The following CDH12 variants were observed in gnomAD, a reference collection of about 807,000 sequenced individuals.
CDH12 encodes cadherin 12.
A neutral mutation model predicts 74.1 loss-of-function variants in CDH12; 41 were observed. The observed-to-expected ratio is 0.55, with a 90% confidence interval of 0.43 to 0.72. The LOEUF (loss-of-function observed/expected upper bound fraction) is 0.72, where lower values mean the gene tolerates loss of function less well. CDH12 is among the 30% of genes least tolerant of loss of function. CDH12 has a pLI of 0.00. For missense variants in CDH12, 945 were observed against 977.2 expected, an observed-to-expected ratio of 0.97 and a Z score of 0.44; for synonymous variants, 399 against 355.0, an observed-to-expected ratio of 1.12 and a Z score of -1.39.
At chr5:21,869,602 T>G (rs1329694520) in intron 6 of CDH12, among the ~76,000 whole-genome samples, 1 of 152,194 alleles carries the variant, frequency 6.6e-6, no homozygotes, top group Non-Finnish European at 1.5e-5. Flanking sequence ...TTAAGTATTG[T>G]TAATTTTATA....
intron 7 of CDH12, among the ~76,000 whole-genome samples, chr5:21,848,669 C>A (rs560739887): frequency 2.0e-5 from 3 of 151,750 alleles, no homozygotes; most frequent in African/African-American, 7.3e-5. Context: ...GAAGAGTTAT[C>A]AGGTTATCTT....
At chr5:22,831,403 A>G (rs1200352750) in intron 1 of CDH12, among the ~76,000 whole-genome samples, 1 of 133,534 alleles carries the variant, frequency 7.5e-6, no homozygotes, top group Non-Finnish European at 1.6e-5. Flanking sequence ...GTGTATTTCA[A>G]ATGAGCCTGG....
chr5:21,972,148 C>T (rs1756879266), intron 6 of CDH12, among the ~76,000 whole-genome samples: 1 of 151,968 alleles, frequency 6.6e-6, no homozygotes, highest in African/African-American at 2.4e-5. Flanking sequence ...GATATATAAT[C>T]CATTACTGTT....
intron 4 of CDH12, among the ~76,000 whole-genome samples, chr5:22,108,631 G>A (rs1744635695): frequency 6.6e-6 from 1 of 152,218 alleles, no homozygotes; most frequent in South Asian, 2.1e-4. Flanking sequence ...GTACAGCTGG[G>A]CTCTGACAGA....
intron 1 of CDH12, among the ~76,000 whole-genome samples, chr5:22,735,157 C>A (rs1232328700): frequency 2.0e-5 from 3 of 151,838 alleles, no homozygotes; most frequent in African/African-American, 7.3e-5. Flanking sequence ...GATGTTACTG[C>A]CACCTATCGC....
At chr5:22,397,600 A>C (rs531705224) in intron 3 of CDH12, among the ~76,000 whole-genome samples, 1 of 152,120 alleles carries the variant, frequency 6.6e-6, no homozygotes, top group Non-Finnish European at 1.5e-5. Context: ...CAGTAGCAAA[A>C]TATGGTAAAT....
At chr5:22,820,924 A>G (rs1224861897) in intron 1 of CDH12, among the ~76,000 whole-genome samples, 2 of 152,190 alleles carry the variant, frequency 1.3e-5, no homozygotes, top group Non-Finnish European at 2.9e-5. Context: ...TGGCAGAGAC[A>G]CAACCAAAAA....
chr5:22,405,343 A>T lies in CDH12; in HGVS notation c.-419T>A, dbSNP rs1250040038. ...CAGTAACTTGATTCTATAGCACTGG[A>T]CATCAAAGCTGAAAAATATGTAAAG... On this transcript the variant is annotated 5_prime_UTR_variant, in exon 3 of 15. Transcript: ENST00000382254. 3.1e-6 allele frequency: 3 copies of T among 958,272 alleles called. No homozygotes were observed. Among genetic ancestry groups the T allele is most frequent in the Non-Finnish European group, 3.7e-6 (3 of 805,274 alleles). The allele number at this position is 958,272 out of a possible 1,614,324, so 59.4% of individuals were successfully genotyped here.
At position 22,046,430 on chromosome 5, in the gene CDH12, C is replaced by CTTTT. The variant is rs11323330; in HGVS notation, c.231+32012_231+32015dup. Among the ~76,000 whole-genome samples, 75 of 100,368 alleles carry CTTTT rather than the reference C, an allele frequency of 7.5e-4. 1 individual carries two copies. Among genetic ancestry groups the CTTTT allele is most frequent in the African/African-American group, 1.9e-3 (44 of 23,408 alleles). 65.8% of individuals were successfully genotyped at this position (100,368 alleles called of 152,430 possible). ...GAGAAAGTCACTGGTCATTTAATTT[C>CTTTT]TTTTTTTTTTTTTTTTTTTTTTGAG... On this transcript the variant is annotated intron_variant, in intron 5 of 14. Coordinates refer to ENST00000382254, the MANE Select transcript of CDH12 (RefSeq NM_004061.5).
intron 2 of CDH12, among the ~76,000 whole-genome samples, chr5:22,491,629 A>G (rs1295687920): frequency 6.6e-6 from 1 of 151,050 alleles, no homozygotes; most frequent in African/African-American, 2.4e-5. Context: ...AAACAAAAAA[A>G]AAAACAAAAA....
chr5:22,218,091 C>T (rs1001572436), intron 3 of CDH12, among the ~76,000 whole-genome samples: 6 of 151,614 alleles, frequency 4.0e-5, no homozygotes, highest in African/African-American at 7.3e-5. Flanking sequence ...ACTCTCATTA[C>T]GTCAAGTGTC....
intron 3 of CDH12, among the ~76,000 whole-genome samples, chr5:22,396,511 T>G (rs1742469373): frequency 6.6e-6 from 1 of 152,132 alleles, no homozygotes; most frequent in African/African-American, 2.4e-5. Flanking sequence ...GGGAGTAGAT[T>G]CTGGGATTAG....
chr5:22,688,871 T>C (rs1442039595), intron 1 of CDH12, among the ~76,000 whole-genome samples: 2 of 152,164 alleles, frequency 1.3e-5, no homozygotes, highest in African/African-American at 4.8e-5. Context: ...ATCTCACTCT[T>C]GAATTAATTA....
intron 1 of CDH12, among the ~76,000 whole-genome samples, chr5:22,788,298 C>A (rs1183411245): frequency 6.6e-6 from 1 of 151,802 alleles, no homozygotes; most frequent in African/African-American, 2.4e-5. Context: ...ATAAATTTAT[C>A]CTTTATTTTA....
chr5:22,269,084 T>A (rs1328349865), intron 3 of CDH12, among the ~76,000 whole-genome samples: 2 of 152,170 alleles, frequency 1.3e-5, no homozygotes, highest in East Asian at 3.8e-4. Flanking sequence ...ATAGAAGTCA[T>A]GATAATATCT....
At chr5:22,699,473 C>T (rs188210869) in intron 1 of CDH12, among the ~76,000 whole-genome samples, 9 of 151,534 alleles carry the variant, frequency 5.9e-5, no homozygotes, top group African/African-American at 2.4e-5. Context: ...TATACGTGAA[C>T]ATTAGCATCG....
chr5:22,329,144 C>T lies in CDH12; in HGVS notation c.-333+76113G>A, dbSNP rs148017722. Among the ~76,000 whole-genome samples, 1,291 of 152,200 alleles carry T rather than the reference C, an allele frequency of 8.5e-3. 16 individuals are homozygous for T. The highest frequency in any genetic ancestry group is 0.029 in the African/African-American group (1,210 of 41,536). On this transcript the variant is annotated intron_variant, in intron 3 of 14. Coordinates refer to ENST00000382254, the MANE Select transcript of CDH12 (RefSeq NM_004061.5). ...TTGACCCTGATAAACAGTGCTATGGCATGGTCAAATGATATCATAAAAATT... is the reference window on the plus strand; with the variant it reads ...TTGACCCTGATAAACAGTGCTATGGTATGGTCAAATGATATCATAAAAATT...
At chr5:21,855,631 T>A (rs1750716239) in intron 6 of CDH12, among the ~76,000 whole-genome samples, 1 of 151,616 alleles carries the variant, frequency 6.6e-6, no homozygotes. Flanking sequence ...TATATATATA[T>A]GTATGTGTAT....
chr5:22,402,346 C>G (rs1002778715), intron 3 of CDH12, among the ~76,000 whole-genome samples: 4 of 152,140 alleles, frequency 2.6e-5, no homozygotes, highest in African/African-American at 9.7e-5. Context: ...AGTAGAAAGA[C>G]AAACATTAAA....
Sources: allele counts gnomAD v4.1 joint callset (sites outside exome capture counted in the v4.1 genomes callset), GRCh38; gene constraint gnomAD v4.1.1; transcripts MANE v1.5; gene names NCBI Gene and HGNC (gene_info 2026-07-23, HGNC 2026-07-21).